Variants in CENPP observed in about 807,000 individuals in gnomAD.
The protein encoded by CENPP is centromere protein P.
CENPP carries 24 observed loss-of-function variants against 35.6 expected under a neutral mutation model. The observed-to-expected ratio is 0.67, with a 90% CI of 0.49 to 0.95. The LOEUF (loss-of-function observed/expected upper bound fraction) is 0.95, where lower values mean the gene tolerates loss of function less well. Ranked by LOEUF, CENPP falls within the 40% of genes least tolerant of loss-of-function variation. The pLI, the probability that CENPP is intolerant of heterozygous loss-of-function variation, is 0.00. For synonymous variants in CENPP, 120 were observed against 125.5 expected (o/e 0.96, Z 0.29); for missense variants, 332 against 345.3 (o/e 0.96, Z 0.31).
intron 4 of CENPP, among the ~76,000 whole-genome samples, chr9:92,358,119 G>C (rs1841641604): frequency 6.7e-6 from 1 of 149,286 alleles, no homozygotes; most frequent in Admixed American, 6.7e-5. Context: ...CATCAAATTT[G>C]GGATGTTTTA....
intron 5 of CENPP, chr9:92,522,705 T>C (rs1467539029): frequency 6.2e-7 from 1 of 1,614,174 alleles, no homozygotes; most frequent in Admixed American, 1.7e-5. Context: ...TTTGCTGAAT[T>C]CCAAGCTGTC....
rs578177197 is a variant in CENPP at position 92,616,483 on chromosome 9, A to T, written c.*3334A>T. ...TGAGCCAAGTATTACAAAACCCAAC[A>T]AAAAGTAAAAAGTAGATCTGGCCAT... On this transcript the variant is annotated 3_prime_UTR_variant, in exon 8 of 8. Transcript: ENST00000375587. The T allele has an allele frequency of 6.3e-6, 1 of 159,350 alleles. No homozygotes were observed. Among genetic ancestry groups the T allele is most frequent in the East Asian group, 1.8e-4 (1 of 5,436 alleles). The allele number at this position is 159,350 out of a possible 1,614,324, so 9.9% of individuals were successfully genotyped here.
intron 5 of CENPP, among the ~76,000 whole-genome samples, chr9:92,525,969 T>C (rs1292912736): frequency 6.6e-6 from 1 of 151,932 alleles, no homozygotes; most frequent in African/African-American, 2.4e-5. Context: ...ACAACTATAT[T>C]ACTGGTTTAT....
rs146775001 is a variant in CENPP at position 92,466,394 on chromosome 9, C to G, written c.564+86535C>G. 1,585 of 1,609,518 alleles carry G rather than the reference C, an allele frequency of 9.8e-4. 2 individuals carry two copies. Among genetic ancestry groups the G allele is most frequent in the Non-Finnish European group, 1.2e-3 (1,451 of 1,176,136 alleles). ...AAAGCATTCATTCCTTTGAATGTGT[C>G]CTTTTGTATTTTCTTAACTTTATTT... is the stretch of plus-strand genomic sequence containing the variant. On this transcript the variant is annotated intron_variant, in intron 5 of 7. Transcript: ENST00000375587.
At chr9:92,442,558 C>A (rs952253810) in intron 5 of CENPP, among the ~76,000 whole-genome samples, 1 of 151,414 alleles carries the variant, frequency 6.6e-6, no homozygotes, top group East Asian at 2.0e-4. Context: ...AAATAAAAAA[C>A]ATTTGATACA....
chr9:92,355,576 G>T (rs1841568808), intron 4 of CENPP, among the ~76,000 whole-genome samples: 2 of 152,106 alleles, frequency 1.3e-5, no homozygotes, highest in South Asian at 4.1e-4. Context: ...GAACAAATAA[G>T]ACTTCTGTAA....
At chr9:92,502,739 A>C in intron 5 of CENPP, 2 of 1,124,932 alleles carry the variant, frequency 1.8e-6, no homozygotes, top group East Asian at 2.6e-5. Flanking sequence ...GACATAGACT[A>C]TTATCATTAG....
At chr9:92,388,134 A>C (rs1191908074) in intron 5 of CENPP, among the ~76,000 whole-genome samples, 1 of 151,992 alleles carries the variant, frequency 6.6e-6, no homozygotes, top group Non-Finnish European at 1.5e-5. Context: ...CAGAATATTC[A>C]AATGTTCTTT....
chr9:92,516,072 TC>T (rs76297691), intron 5 of CENPP, among the ~76,000 whole-genome samples: 4,537 of 139,774 alleles, frequency 0.032, 152 homozygotes, highest in South Asian at 0.095. Flanking sequence ...TACTTTTTTT[TC>T]CCCCCCCCGA....
chr9:92,487,914 C>T (rs1161217911), intron 5 of CENPP, among the ~76,000 whole-genome samples: 1 of 152,198 alleles, frequency 6.6e-6, no homozygotes, highest in African/African-American at 2.4e-5. Flanking sequence ...ACCCATACAA[C>T]CATTGTGTTT....
At chr9:92,355,765 C>A (rs560813046) in intron 4 of CENPP, among the ~76,000 whole-genome samples, 10 of 152,288 alleles carry the variant, frequency 6.6e-5, no homozygotes, top group Middle Eastern at 3.4e-3. Context: ...ACCAAAAAAT[C>A]ATTCATGCCT....
intron 5 of CENPP, chr9:92,494,105 T>A: frequency 6.3e-7 from 1 of 1,597,938 alleles, no homozygotes; most frequent in East Asian, 2.2e-5. Context: ...AAAGGCCACA[T>A]CTGATCTGTT....
At chr9:92,384,344 T>G (rs376268667) in intron 5 of CENPP, 3 of 152,176 alleles carry the variant, frequency 2.0e-5, no homozygotes, top group East Asian at 3.9e-4. Context: ...TAAGTATGTA[T>G]TCTGTACACA....
At chr9:92,371,120 C>T (rs117770930) in intron 4 of CENPP, among the ~76,000 whole-genome samples, 4,102 of 152,106 alleles carry the variant, frequency 0.027, 91 homozygotes, top group Non-Finnish European at 0.043. Flanking sequence ...TCATTTAGTT[C>T]TGCTTTGATC....
chr9:92,364,544 G>A lies in CENPP; in HGVS notation c.468-15219G>A, dbSNP rs1472093162. Among the ~76,000 whole-genome samples the A allele has an allele frequency of 2.6e-5, 4 of 152,150 alleles. No individual in the cohort carries two copies. The South Asian group carries it at 6.2e-4, about 24-fold the overall frequency. On this transcript the variant is annotated intron_variant, in intron 4 of 7. Transcript: ENST00000375587. ...TAAATTTGCTGTGATTCTTCTTTATGTTCCCCTGTGTGTATGGAACTGGTT... is the reference window on the plus strand; with the variant it reads ...TAAATTTGCTGTGATTCTTCTTTATATTCCCCTGTGTGTATGGAACTGGTT...
rs1295112285 is a variant in CENPP at position 92,474,618 on chromosome 9, T to G, written c.564+94759T>G. 8 of 1,603,932 alleles carry G rather than the reference T, an allele frequency of 5.0e-6. No individual in the cohort carries two copies. In the South Asian group the frequency reaches 8.0e-5, roughly 16 times the overall value. ...TCTTCAAAACAAAATCGACTTATAT[T>G]CTTACCTAAATCTGAGCAATGTACA... is the stretch of plus-strand genomic sequence containing the variant. On this transcript the variant is annotated intron_variant, in intron 5 of 7. Transcript: ENST00000375587.
At chr9:92,416,971 A>G in intron 5 of CENPP, 1 of 1,613,980 alleles carries the variant, frequency 6.2e-7, no homozygotes, top group Non-Finnish European at 8.5e-7. Flanking sequence ...CATGAAGATA[A>G]TTATAACAGA....
chr9:92,488,432 G>A (rs2131116712), intron 5 of CENPP, among the ~76,000 whole-genome samples: 1 of 152,278 alleles, frequency 6.6e-6, no homozygotes, highest in East Asian at 1.9e-4. Flanking sequence ...TGAATACTTA[G>A]AGAATTTGTG....
intron 5 of CENPP, among the ~76,000 whole-genome samples, chr9:92,508,821 T>G (rs1032321825): frequency 2.6e-5 from 4 of 152,168 alleles, no homozygotes; most frequent in African/African-American, 9.7e-5. Context: ...TTGAATTGTT[T>G]TATTCCTTTA....
Sources: gnomAD v4.1 joint callset for allele counts (sites outside exome capture counted in the v4.1 genomes callset) on GRCh38, gnomAD v4.1.1 for gene constraint, MANE v1.5 for transcripts, NCBI Gene and HGNC (gene_info 2026-07-23, HGNC 2026-07-21) for gene names.